Variants in KAT7 observed in about 807,000 individuals in gnomAD.
KAT7 encodes histone acetyltransferase KAT7.
Under a neutral mutation model 82.1 loss-of-function variants are expected in KAT7, and 10 were observed. That is an observed-to-expected ratio of 0.12 (90% confidence interval 0.08 to 0.21). The LOEUF is 0.21. Ranked by LOEUF, KAT7 falls within the 10% of genes least tolerant of loss-of-function variation. KAT7 has a pLI of 1.00. For synonymous variants in KAT7, 250 were observed against 262.5 expected, an observed-to-expected ratio of 0.95 and a Z score of 0.46; for missense variants, 378 against 760.9, an observed-to-expected ratio of 0.50 and a Z score of 5.92.
intron 2 of KAT7, among the ~76,000 whole-genome samples, chr17:49,794,438 A>G (rs1417029614): frequency 3.3e-5 from 5 of 152,122 alleles, no homozygotes; most frequent in African/African-American, 1.2e-4. Context: ...GGCGAGCACC[A>G]CCATACCTGG....
Position 49,798,493 on chromosome 17 carries a change from G to C in KAT7, c.515G>C (p.Arg172Pro), listed in dbSNP as rs1191380909. 1 of 1,613,900 alleles carries C rather than the reference G, an allele frequency of 6.2e-7. No homozygotes were observed. The highest frequency in any genetic ancestry group is 8.5e-7 in the Non-Finnish European group (1 of 1,179,924). Residue 172 changes from arginine to proline, a missense_variant, in exon 4 of 15, where the codon CGC (arginine) becomes CCC (proline). Around this residue, in one of 6 missense-constraint regions of KAT7, gnomAD observed 161 missense variants for 229.6 expected, o/e 0.70. Coordinates refer to ENST00000259021, the MANE Select transcript of KAT7 (RefSeq NM_007067.5). Reference sequence around the variant, plus strand: ...AGTGATCTCTCTCATCGCCCCAAGCGCCGTCGCTTCCATGAAAGCTACAAC... The same window carrying C: ...AGTGATCTCTCTCATCGCCCCAAGCCCCGTCGCTTCCATGAAAGCTACAAC... The part of the protein sequence containing the change: ...SGSDLSHRPK[R>P]RRFHESYNFN...
chr17:49,807,854 C>T (rs1024258455), intron 5 of KAT7, among the ~76,000 whole-genome samples: 1 of 152,166 alleles, frequency 6.6e-6, no homozygotes, highest in Non-Finnish European at 1.5e-5. Flanking sequence ...TCTAGGATAA[C>T]ATTCAAGTTG....
Position 49,818,029 on chromosome 17 carries a change from C to T in KAT7, c.1155+18C>T, listed in dbSNP as rs762138630. On this transcript the variant is annotated intron_variant, in intron 9 of 14. Transcript: ENST00000259021. The stretch of plus-strand genomic sequence containing the variant: ...GGCACATGGTGAGTTGTCTTGGGTT[C>T]CTCTGCCTTGACCATGATGGCAATA... 6.9e-6 allele frequency: 11 copies of T among 1,605,274 alleles called. 1 individual carries two copies. In the East Asian group the frequency reaches 2.5e-4, roughly 36 times the overall value.
chr17:49,792,128 G>A (rs368935116), intron 2 of KAT7, 95 bp downstream of exon 2: 4 of 1,253,474 alleles, frequency 3.2e-6, no homozygotes, highest in Non-Finnish European at 4.5e-6. Flanking sequence ...TGGCCCCTTG[G>A]CTTGGTGTAG....
Position 49,789,092 on chromosome 17 carries a change from C to G in KAT7, c.15+243C>G, listed in dbSNP as rs552105885. 3 of 391,538 alleles carry G rather than the reference C, an allele frequency of 7.7e-6. No individual in the cohort carries two copies. The East Asian group carries it at 1.1e-4, about 15-fold the overall frequency. 24.3% of individuals were successfully genotyped at this position (391,538 alleles called of 1,614,324 possible). ...ATCGGAGGCGTTCTTATTAATTGGTCGCTGAAACGTCTGGAAGCATATTGA... is the reference window on the plus strand; with the variant it reads ...ATCGGAGGCGTTCTTATTAATTGGTGGCTGAAACGTCTGGAAGCATATTGA... On this transcript the variant is annotated intron_variant, in intron 1 of 14. Transcript: ENST00000259021.
intron 14 of KAT7, chr17:49,827,010 G>A: frequency 2.1e-6 from 1 of 479,948 alleles, no homozygotes; most frequent in East Asian, 3.5e-5. Flanking sequence ...AAATTTGGAT[G>A]ACACAAGTTA....
Position 49,801,926 on chromosome 17 carries a change from CA to C in KAT7, c.580+3372del, listed in dbSNP as rs2074029676. Among the ~76,000 whole-genome samples the C allele has an allele frequency of 3.3e-5, 5 of 152,312 alleles. No homozygotes were observed. In the South Asian group the frequency reaches 1.0e-3, roughly 32 times the overall value. The stretch of plus-strand genomic sequence containing the variant: ...TACCCGCAGAACTGTGCCACAGATA[CA>C]AAACTTCTGTTTGCAGTTTTCTATG... On this transcript the variant is annotated intron_variant, in intron 4 of 14. Coordinates refer to ENST00000259021, the MANE Select transcript of KAT7 (RefSeq NM_007067.5).
At chr17:49,823,153 T>G (rs767303581) in intron 11 of KAT7, 49 bp from the exon 12 acceptor site, 7 of 1,054,870 alleles carry the variant, frequency 6.6e-6, no homozygotes, top group Non-Finnish European at 1.0e-5. Context: ...GCTGAAACCT[T>G]TGGTTTCAAA....
chr17:49,819,443 G>A (rs1598084071), intron 9 of KAT7, among the ~76,000 whole-genome samples: 1 of 152,324 alleles, frequency 6.6e-6, no homozygotes, highest in East Asian at 1.9e-4. Flanking sequence ...TGGTTTTACT[G>A]TGTGAAAGCG....
At chr17:49,799,450 G>A (rs896136209) in intron 4 of KAT7, among the ~76,000 whole-genome samples, 4 of 151,472 alleles carry the variant, frequency 2.6e-5, no homozygotes, top group African/African-American at 4.9e-5. Context: ...GTGTGATCTC[G>A]GCTCACTGCA....
intron 2 of KAT7, among the ~76,000 whole-genome samples, chr17:49,795,876 T>C (rs1295085075): frequency 6.6e-6 from 1 of 152,200 alleles, no homozygotes; most frequent in African/African-American, 2.4e-5. Flanking sequence ...TACATTTGGC[T>C]AATTGGTCTG....
Position 49,827,464 on chromosome 17 carries a change from C to A in KAT7, c.1798C>A (p.Pro600Thr), listed in dbSNP as rs2074381841. Residue 600 changes from proline (P) to threonine (T), a missense_variant, in exon 15 of 15, where the codon CCC (proline) becomes ACC (threonine). Pro to Thr is a conservative substitution (Grantham distance 38). Coordinates refer to ENST00000259021, the MANE Select transcript of KAT7 (RefSeq NM_007067.5). ...KRSNSNKTMD[P>T]SCLKWTPPKG... ...GTCCAACTCCAATAAAACCATGGAT[C>A]CCAGCTGCTTAAAATGGACCCCTCC... 6.2e-7 allele frequency: 1 copy of A among 1,613,552 alleles called. No individual in the cohort carries two copies. The highest frequency in any genetic ancestry group is 1.3e-5 in the African/African-American group (1 of 74,876).
chr17:49,802,414 T>C (rs2143885506), intron 4 of KAT7, among the ~76,000 whole-genome samples: 1 of 152,320 alleles, frequency 6.6e-6, no homozygotes. Flanking sequence ...ATGCATGTAA[T>C]CCCAGTACTT....
Position 49,827,768 on chromosome 17 carries a change from T to C in KAT7, c.*266T>C. ...GTCTCTCAGCACTGACCCAAGGAGTTCTGTTATGGTACTGTACCTGTCCAG... is the reference window on the plus strand; with the variant it reads ...GTCTCTCAGCACTGACCCAAGGAGTCCTGTTATGGTACTGTACCTGTCCAG... On this transcript the variant is annotated 3_prime_UTR_variant, in exon 15 of 15. Coordinates refer to ENST00000259021, the MANE Select transcript of KAT7 (RefSeq NM_007067.5). 2.1e-6 allele frequency: 1 copy of C among 481,576 alleles called. No individual in the cohort carries two copies. The highest frequency in any genetic ancestry group is 3.7e-6 in the Non-Finnish European group (1 of 267,700). 29.8% of individuals were successfully genotyped at this position (481,576 alleles called of 1,614,324 possible).
chr17:49,804,155 A>G (rs1392063264), intron 4 of KAT7, among the ~76,000 whole-genome samples: 1 of 152,016 alleles, frequency 6.6e-6, no homozygotes, highest in East Asian at 1.9e-4. Flanking sequence ...TGAGGCGGGC[A>G]GATCACGAGG....
chr17:49,791,580 C>T (rs1211135632), intron 1 of KAT7, among the ~76,000 whole-genome samples: 1 of 152,212 alleles, frequency 6.6e-6, no homozygotes, highest in African/African-American at 2.4e-5. Context: ...ATCACTTGAA[C>T]CCGGGAGGCG....
intron 6 of KAT7, among the ~76,000 whole-genome samples, chr17:49,810,170 A>C (rs1346832696): frequency 1.3e-5 from 2 of 152,340 alleles, no homozygotes; most frequent in Middle Eastern, 3.4e-3. Flanking sequence ...TATGTAAAGT[A>C]CCTATACCCA....
intron 7 of KAT7, among the ~76,000 whole-genome samples, chr17:49,814,434 C>T (rs1026535968): frequency 7.9e-5 from 12 of 152,052 alleles, no homozygotes; most frequent in Admixed American, 5.2e-4. Context: ...ACAATGATAC[C>T]GTATATTGAG....
At chr17:49,823,155 G>T in intron 11 of KAT7, 47 bp from the exon 12 acceptor site, 3 of 1,081,168 alleles carry the variant, frequency 2.8e-6, no homozygotes, top group South Asian at 2.5e-5. Flanking sequence ...TGAAACCTTT[G>T]GTTTCAAATC....
Sources: gnomAD v4.1 joint callset for allele counts (sites outside exome capture counted in the v4.1 genomes callset) on GRCh38, gnomAD v4.1.1 for gene constraint, gnomAD v4.1.1 regional missense constraint, MANE v1.5 for transcripts, NCBI Gene and HGNC (gene_info 2026-07-23, HGNC 2026-07-21) for gene names.